The following CLVS1 variants were observed in gnomAD, a reference collection of about 807,000 sequenced individuals.
The protein encoded by CLVS1 is clavesin-1.
CLVS1 carries 10 observed loss-of-function variants against 33.1 expected under a neutral mutation model. The observed-to-expected ratio is 0.30, with a 90% CI of 0.19 to 0.51. CLVS1 has a LOEUF of 0.51. Among genes scored for constraint, CLVS1 ranks in the 20% least tolerant of loss-of-function variants. CLVS1 has a pLI of 0.97. For synonymous variants in CLVS1, 163 were observed against 166.1 expected, an observed-to-expected ratio of 0.98 and a Z score of 0.14; for missense variants, 343 against 433.4, an observed-to-expected ratio of 0.79 and a Z score of 1.85.
intron 2 of CLVS1, among the ~76,000 whole-genome samples, chr8:61,182,593 G>C (rs1480025472): frequency 3.9e-5 from 6 of 152,134 alleles, no homozygotes; most frequent in African/African-American, 7.2e-5. Flanking sequence ...CAACATCACT[G>C]ATCATTAGAG....
intron 5 of CLVS1, among the ~76,000 whole-genome samples, chr8:61,478,100 T>G (rs1586031985): frequency 6.6e-6 from 1 of 152,166 alleles, no homozygotes; most frequent in Admixed American, 6.6e-5. Context: ...GGAGCAGGTT[T>G]TTCAGTTTCC....
At chr8:61,051,569 C>A in the CLVS1 span, among the ~76,000 whole-genome samples, 1 of 152,236 alleles carries the variant, frequency 6.6e-6, no homozygotes, top group Non-Finnish European at 1.5e-5. Context: ...CACAGCCTGC[C>A]AAACGAAAGG....
intron 2 of CLVS1, among the ~76,000 whole-genome samples, chr8:61,337,901 A>G (rs1472437986): frequency 2.0e-5 from 3 of 152,244 alleles, no homozygotes; most frequent in African/African-American, 7.2e-5. Context: ...ATGACAATAA[A>G]GAAAACAAAG....
chr8:61,083,324 G>T (rs1292612591), intron 1 of CLVS1, among the ~76,000 whole-genome samples: 2 of 152,196 alleles, frequency 1.3e-5, no homozygotes, highest in African/African-American at 4.8e-5. Context: ...AGAGAGCAGA[G>T]AGGCATCAAC....
At chr8:61,075,288 A>G (rs1025599406) in intron 1 of CLVS1, among the ~76,000 whole-genome samples, 38 of 152,316 alleles carry the variant, frequency 2.5e-4, no homozygotes, top group African/African-American at 8.4e-4. Flanking sequence ...TCATTTCTCT[A>G]CAGCTGAAAG....
chr8:61,227,889 T>A (rs910969338), intron 2 of CLVS1, among the ~76,000 whole-genome samples: 1 of 152,206 alleles, frequency 6.6e-6, no homozygotes, highest in Admixed American at 6.5e-5. Context: ...GTCAACCAAG[T>A]AATTCATTGA....
chr8:61,454,351 C>T (rs780457628), intron 4 of CLVS1, 100 bp downstream of exon 4: 2 of 876,834 alleles, frequency 2.3e-6, no homozygotes, highest in Admixed American at 1.8e-5. Context: ...TTCTCTCTTT[C>T]TCTCTTTATC....
intron 2 of CLVS1, among the ~76,000 whole-genome samples, chr8:61,150,332 C>G (rs564734647): frequency 3.7e-4 from 57 of 152,200 alleles, no homozygotes; most frequent in African/African-American, 1.3e-3. Flanking sequence ...AGGGGCATGG[C>G]GCTTAGGACT....
At chr8:61,055,253 T>C (rs1804456190), upstream of CLVS1, among the ~76,000 whole-genome samples, 1 of 152,198 alleles carries the variant, frequency 6.6e-6, no homozygotes, top group Admixed American at 6.5e-5. Flanking sequence ...TTAAAGTGTT[T>C]AAGAGAAAAA....
intron 2 of CLVS1, among the ~76,000 whole-genome samples, chr8:61,332,096 C>T (rs993716737): frequency 2.6e-5 from 4 of 152,194 alleles, no homozygotes; most frequent in Non-Finnish European, 5.9e-5. Flanking sequence ...TCTTCATCCT[C>T]TGAGAAAAGT....
At chr8:61,090,446 A>G (rs1229002030) in intron 1 of CLVS1, among the ~76,000 whole-genome samples, 1 of 152,198 alleles carries the variant, frequency 6.6e-6, no homozygotes, top group Non-Finnish European at 1.5e-5. Flanking sequence ...GATAGAAGGA[A>G]AGAAGCCTGT....
intron 5 of CLVS1, among the ~76,000 whole-genome samples, chr8:61,481,957 C>T (rs1004615160): frequency 3.9e-5 from 6 of 152,104 alleles, no homozygotes; most frequent in East Asian, 1.9e-4. Flanking sequence ...CAGTAGGGGC[C>T]GACTGACACC....
intron 1 of CLVS1, among the ~76,000 whole-genome samples, chr8:61,294,179 T>C (rs1272174802): frequency 6.6e-6 from 1 of 152,110 alleles, no homozygotes; most frequent in Non-Finnish European, 1.5e-5. Context: ...AGGGCACCGG[T>C]ACTCAGAGTG....
At chr8:60,993,342 C>T in the CLVS1 span, among the ~76,000 whole-genome samples, 364 of 152,326 alleles carry the variant, frequency 2.4e-3, 2 homozygotes, top group African/African-American at 8.4e-3. Flanking sequence ...ATTTCTGTCA[C>T]GTCTCCAGTG....
chr8:61,061,739 A>C, intron 1 of CLVS1, among the ~76,000 whole-genome samples: 1 of 151,382 alleles, frequency 6.6e-6, no homozygotes, highest in Non-Finnish European at 1.5e-5. Flanking sequence ...GGTGGCTTTC[A>C]CAAATGCCAG....
chr8:61,344,937 C>T (rs1369309093), intron 2 of CLVS1, among the ~76,000 whole-genome samples: 1 of 151,550 alleles, frequency 6.6e-6, no homozygotes, highest in Non-Finnish European at 1.5e-5. Flanking sequence ...GGAAAAGTAC[C>T]ACATAGACTG....
chr8:61,367,491 A>G (rs1813260804), intron 2 of CLVS1, among the ~76,000 whole-genome samples: 1 of 152,060 alleles, frequency 6.6e-6, no homozygotes, highest in Non-Finnish European at 1.5e-5. Context: ...AAACTCCCCA[A>G]TCATAAGTGA....
chr8:61,445,817 T>G (rs1816742706), intron 3 of CLVS1, among the ~76,000 whole-genome samples: 1 of 152,216 alleles, frequency 6.6e-6, no homozygotes, highest in Admixed American at 6.5e-5. Context: ...CTTGGTAGAT[T>G]TATAAATCAC....
chr8:61,403,261 T>G (rs1814839160), intron 3 of CLVS1, among the ~76,000 whole-genome samples: 1 of 152,172 alleles, frequency 6.6e-6, no homozygotes, highest in Admixed American at 6.5e-5. Context: ...GTAAAGTGAC[T>G]GGGAATAGCG....
Sources: allele counts gnomAD v4.1 joint callset (sites outside exome capture counted in the v4.1 genomes callset), GRCh38; gene constraint gnomAD v4.1.1; transcripts MANE v1.5; gene names NCBI Gene and HGNC (gene_info 2026-07-23, HGNC 2026-07-21).